CDH8: variants seen among roughly 807,000 people sequenced by gnomAD.
The protein encoded by CDH8 is cadherin-8.
Under a neutral mutation model 68.1 loss-of-function variants are expected in CDH8, and 17 were observed. The observed-to-expected ratio is 0.25, with a 90% confidence interval of 0.17 to 0.37. The LOEUF (loss-of-function observed/expected upper bound fraction) is 0.37, where lower values mean the gene tolerates loss of function less well. Ranked by LOEUF, CDH8 falls within the 10% of genes least tolerant of loss-of-function variation. The pLI, the probability that CDH8 is intolerant of heterozygous loss-of-function variation, is 1.00. For synonymous variants in CDH8, 372 were observed against 365.1 expected, an observed-to-expected ratio of 1.02 and a Z score of -0.21; for missense variants, 763 against 999.3, an observed-to-expected ratio of 0.76 and a Z score of 3.19.
intron 3 of CDH8, among the ~76,000 whole-genome samples, chr16:61,872,670 C>A (rs1597032644): frequency 6.6e-6 from 1 of 152,140 alleles, no homozygotes; most frequent in Non-Finnish European, 1.5e-5. Flanking sequence ...CATAAAGAGT[C>A]CTGTCCAGCT....
intron 2 of CDH8, among the ~76,000 whole-genome samples, chr16:61,973,726 G>A (rs1965384516): frequency 1.3e-5 from 2 of 152,210 alleles, no homozygotes; most frequent in Non-Finnish European, 2.9e-5. Context: ...TATCCTGAAG[G>A]ATGATCTAAA....
At chr16:61,873,765 G>A (rs1292929204) in intron 3 of CDH8, among the ~76,000 whole-genome samples, 2 of 152,158 alleles carry the variant, frequency 1.3e-5, no homozygotes, top group African/African-American at 2.4e-5. Context: ...AACCAGGTGC[G>A]GTGGCTTACT....
chr16:62,005,329 G>T, intron 2 of CDH8, among the ~76,000 whole-genome samples: 1 of 152,162 alleles, frequency 6.6e-6, no homozygotes, highest in African/African-American at 2.4e-5. Context: ...CCTGGCCTGC[G>T]TTATGTAGCA....
At chr16:61,741,519 A>C (rs4260050) in intron 8 of CDH8, among the ~76,000 whole-genome samples, 3,226 of 152,162 alleles carry the variant, frequency 0.021, 104 homozygotes, top group African/African-American at 0.074. Context: ...TTACCTTTAT[A>C]TCTTTGACCT....
At chr16:61,857,003 T>A (rs944745790) in intron 4 of CDH8, 116 bp downstream of exon 4, 1 of 1,209,710 alleles carries the variant, frequency 8.3e-7, no homozygotes, top group Admixed American at 1.8e-5. Context: ...TATTCAAATA[T>A]TATTGATGCA....
intron 2 of CDH8, among the ~76,000 whole-genome samples, chr16:62,001,484 G>A (rs1343826685): frequency 6.6e-6 from 1 of 152,062 alleles, no homozygotes; most frequent in African/African-American, 2.4e-5. Context: ...CTACCTCATG[G>A]AGACAAGTAG....
chr16:61,901,042 A>T, intron 3 of CDH8, 137 bp downstream of exon 3: 1 of 797,574 alleles, frequency 1.3e-6, no homozygotes, highest in Admixed American at 2.7e-5. Context: ...ACTTAGGCCA[A>T]AAAGGGGGAT....
At chr16:61,886,500 T>C (rs1963675177) in intron 3 of CDH8, among the ~76,000 whole-genome samples, 1 of 152,198 alleles carries the variant, frequency 6.6e-6, no homozygotes, top group Admixed American at 6.5e-5. Context: ...TTAAGAAACA[T>C]AATACATCTC....
intron 2 of CDH8, among the ~76,000 whole-genome samples, chr16:61,906,078 G>A (rs547813941): frequency 1.3e-5 from 2 of 152,076 alleles, no homozygotes; most frequent in East Asian, 1.9e-4. Context: ...GAATAAGAGA[G>A]CAAGACAGGG....
chr16:61,906,462 G>A (rs923889535), intron 2 of CDH8, among the ~76,000 whole-genome samples: 3 of 152,178 alleles, frequency 2.0e-5, no homozygotes, highest in African/African-American at 7.2e-5. Flanking sequence ...TATACAGTAA[G>A]CCTTCAATTT....
intron 9 of CDH8, among the ~76,000 whole-genome samples, chr16:61,718,101 C>T (rs75364601): frequency 0.035 from 5,244 of 151,300 alleles, 298 homozygotes; most frequent in African/African-American, 0.12. Flanking sequence ...ATATGCCAGG[C>T]GTCCTCAAAA....
chr16:62,002,423 T>C (rs1387529483), intron 2 of CDH8, among the ~76,000 whole-genome samples: 1 of 152,192 alleles, frequency 6.6e-6, no homozygotes, highest in Non-Finnish European at 1.5e-5. Flanking sequence ...ACTATACGAC[T>C]TCATTAAATC....
intron 3 of CDH8, among the ~76,000 whole-genome samples, chr16:61,862,337 T>C (rs975193819): frequency 2.6e-5 from 4 of 152,170 alleles, no homozygotes; most frequent in African/African-American, 9.6e-5. Context: ...GGGCACATCA[T>C]CAGTACAAGT....
At chr16:61,826,096 A>T (rs1363761049) in intron 4 of CDH8, among the ~76,000 whole-genome samples, 1 of 151,584 alleles carries the variant, frequency 6.6e-6, no homozygotes. Flanking sequence ...TAAGGCCATG[A>T]TATGTACATA....
At chr16:61,801,608 T>G (rs1458311981) in intron 7 of CDH8, among the ~76,000 whole-genome samples, 1 of 152,022 alleles carries the variant, frequency 6.6e-6, no homozygotes, top group Non-Finnish European at 1.5e-5. Context: ...AGTGGGTGCG[T>G]GCACCATGCG....
At chr16:61,659,994 GA>G (rs1484960974) in intron 10 of CDH8, among the ~76,000 whole-genome samples, 1 of 152,116 alleles carries the variant, frequency 6.6e-6, no homozygotes, top group Non-Finnish European at 1.5e-5. Flanking sequence ...ATGGTCAGGG[GA>G]AAAGGCAATC....
chr16:61,820,240 G>GT (rs1334188501), intron 6 of CDH8, among the ~76,000 whole-genome samples: 6 of 151,242 alleles, frequency 4.0e-5, no homozygotes, highest in African/African-American at 1.5e-4. Flanking sequence ...GTATACAATG[G>GT]TAGCAGGGTT....
chr16:61,774,025 T>C (rs1960846749), intron 8 of CDH8, among the ~76,000 whole-genome samples: 1 of 152,046 alleles, frequency 6.6e-6, no homozygotes, highest in Non-Finnish European at 1.5e-5. Flanking sequence ...AGGATGGAAT[T>C]GGTGCCTATT....
In CDH8 at chr16:61,926,152, GGTGT is replaced by G. The variant is rs61028306; in HGVS notation, c.253-24683_253-24680del. 9.9e-3 allele frequency among the ~76,000 whole-genome samples: 1,405 copies of G among 142,044 alleles called. 13 individuals are homozygous for G. Among genetic ancestry groups the G allele is most frequent in the South Asian group, 0.054 (235 of 4,332 alleles). 93.2% of individuals were successfully genotyped at this position (142,044 alleles called of 152,430 possible). ...AAATGTTGATTTGGGACTCAGAAGG[GGTGT>G]GTGTGTGTGTGTGTGTGTGTGTGTG... On this transcript the variant is annotated intron_variant, in intron 2 of 11. Coordinates refer to ENST00000577390, the MANE Select transcript of CDH8 (RefSeq NM_001796.5).
Sources: gnomAD v4.1 joint callset for allele counts (sites outside exome capture counted in the v4.1 genomes callset) on GRCh38, gnomAD v4.1.1 for gene constraint, MANE v1.5 for transcripts, NCBI Gene and HGNC (gene_info 2026-07-23, HGNC 2026-07-21) for gene names.